The following PKIB variants were observed in gnomAD, a reference collection of about 807,000 sequenced individuals.
PKIB encodes the protein cAMP-dependent protein kinase inhibitor beta.
PKIB carries 2 observed loss-of-function variants against 4.5 expected under a neutral mutation model. That is an observed-to-expected ratio of 0.44 (90% CI 0.18 to 1.39). The LOEUF is 1.39. Ranked by LOEUF, PKIB falls within the 40% of genes most tolerant of loss-of-function variation. The pLI, the probability that PKIB is intolerant of heterozygous loss-of-function variation, is 0.27. For synonymous variants in PKIB, 38 were observed against 36.0 expected, an observed-to-expected ratio of 1.06 and a Z score of -0.20; for missense variants, 94 against 92.6, an observed-to-expected ratio of 1.02 and a Z score of -0.06.
chr6:122,562,631 C>T (rs1285419652), intron 2 of PKIB, among the ~76,000 whole-genome samples: 1 of 152,164 alleles, frequency 6.6e-6, no homozygotes, highest in African/African-American at 2.4e-5. Context: ...TCCCAGACTT[C>T]TTGGAGACTT....
chr6:122,508,471 G>A (rs1199457771), intron 2 of PKIB, among the ~76,000 whole-genome samples: 3 of 152,152 alleles, frequency 2.0e-5, no homozygotes, highest in African/African-American at 7.2e-5. Flanking sequence ...GTGTTAAGGT[G>A]TAAGGTGTGT....
chr6:122,598,604 G>A (rs892898140), intron 3 of PKIB, among the ~76,000 whole-genome samples: 4 of 152,150 alleles, frequency 2.6e-5, no homozygotes, highest in Admixed American at 1.3e-4. Context: ...GATTGGTGAA[G>A]GGTATATCTT....
At chr6:122,699,504 T>C (rs746968975) in intron 3 of PKIB, among the ~76,000 whole-genome samples, 2 of 152,124 alleles carry the variant, frequency 1.3e-5, no homozygotes, top group South Asian at 2.1e-4. Context: ...CAGTCTACTG[T>C]GCTGCACCAT....
At chr6:122,669,077 A>G (rs1466960812) in intron 2 of PKIB, among the ~76,000 whole-genome samples, 2 of 152,120 alleles carry the variant, frequency 1.3e-5, no homozygotes, top group Non-Finnish European at 2.9e-5. Context: ...AAACAAAAAC[A>G]ATCAGCCTCC....
intron 1 of PKIB, among the ~76,000 whole-genome samples, chr6:122,627,069 C>CCAA (rs1775476732): frequency 2.6e-5 from 1 of 37,888 alleles, no homozygotes; most frequent in African/African-American, 9.1e-5. Flanking sequence ...CCCGTCTCTA[C>CCAA]TAAAAAAAAA....
At chr6:122,523,471 T>C (rs940855139) in intron 2 of PKIB, among the ~76,000 whole-genome samples, 37 of 152,272 alleles carry the variant, frequency 2.4e-4, no homozygotes, top group African/African-American at 8.9e-4. Flanking sequence ...AGGTGGGATT[T>C]TTTTTGTGCT....
chr6:122,659,631 A>T (rs1776908320), intron 2 of PKIB, among the ~76,000 whole-genome samples: 1 of 152,188 alleles, frequency 6.6e-6, no homozygotes. Flanking sequence ...CTTCTTAACT[A>T]GTATTTATTT....
chr6:122,559,214 A>C (rs1772944676), intron 2 of PKIB, among the ~76,000 whole-genome samples: 1 of 152,028 alleles, frequency 6.6e-6, no homozygotes, highest in Non-Finnish European at 1.5e-5. Flanking sequence ...TAAGGACATG[A>C]ATAGACAATT....
chr6:122,589,649 A>C (rs1207557147), intron 3 of PKIB, among the ~76,000 whole-genome samples: 1 of 152,194 alleles, frequency 6.6e-6, no homozygotes, highest in Non-Finnish European at 1.5e-5. Flanking sequence ...ACATGATCTT[A>C]GACTAGGGGC....
At chr6:122,656,589 G>A (rs1315276049) in intron 2 of PKIB, among the ~76,000 whole-genome samples, 1 of 152,142 alleles carries the variant, frequency 6.6e-6, no homozygotes, top group African/African-American at 2.4e-5. Flanking sequence ...CCCACAGTGA[G>A]GCAGGGCCAT....
chr6:122,680,570 T>G (rs570314886), intron 3 of PKIB, among the ~76,000 whole-genome samples: 181 of 152,210 alleles, frequency 1.2e-3, no homozygotes, highest in African/African-American at 4.1e-3. Context: ...CGACCTGCCT[T>G]GGGGAAGAGG....
chr6:122,620,007 A>T lies in PKIB; in HGVS notation c.-161+9472A>T, dbSNP rs188400786. On this transcript the variant is annotated intron_variant, in intron 1 of 4. Coordinates refer to ENST00000368452, the MANE Select transcript of PKIB (RefSeq NM_181795.3). Reference sequence around the variant, plus strand: ...TCTCCTTAAGCCCTTCCTATTGGAGACTGTTTATTATTTTCAATTTTATAA... The same window carrying T: ...TCTCCTTAAGCCCTTCCTATTGGAGTCTGTTTATTATTTTCAATTTTATAA... Among the ~76,000 whole-genome samples, 117 of 151,932 alleles carry T rather than the reference A, an allele frequency of 7.7e-4. 1 individual carries two copies. The highest frequency in any genetic ancestry group is 3.4e-3 in the Middle Eastern group (1 of 294).
At chr6:122,518,884 C>T (rs958136650) in intron 2 of PKIB, among the ~76,000 whole-genome samples, 15 of 152,158 alleles carry the variant, frequency 9.9e-5, no homozygotes, top group African/African-American at 2.2e-4. Flanking sequence ...GTCATTCAGA[C>T]GCAGACTGAG....
chr6:122,536,929 C>G (rs1411708302), intron 2 of PKIB, among the ~76,000 whole-genome samples: 1 of 148,016 alleles, frequency 6.8e-6, no homozygotes, highest in African/African-American at 2.5e-5. Context: ...CAACGAACCT[C>G]AAATTTTGCT....
At chr6:122,544,544 T>G (rs1772423556) in intron 2 of PKIB, among the ~76,000 whole-genome samples, 2 of 151,816 alleles carry the variant, frequency 1.3e-5, no homozygotes, top group South Asian at 4.2e-4. Context: ...CCTGGAGGGG[T>G]GTTTTGAGAT....
rs534472757 is a variant in PKIB at position 122,628,202 on chromosome 6, T to A, written c.-160-5081T>A. On this transcript the variant is annotated intron_variant, in intron 1 of 4. Coordinates refer to ENST00000368452, the MANE Select transcript of PKIB (RefSeq NM_181795.3). ...ACAGGCATGCGCCACCAAGTCCGGC[T>A]AATTTTGTATTTTTAGTAGAGATGG... Among the ~76,000 whole-genome samples, 21 of 152,256 alleles carry A rather than the reference T, an allele frequency of 1.4e-4. No homozygotes were observed. The East Asian group carries it at 4.1e-3, about 29-fold the overall frequency.
chr6:122,638,898 A>G (rs1183330240), intron 2 of PKIB, among the ~76,000 whole-genome samples: 2 of 152,212 alleles, frequency 1.3e-5, no homozygotes, highest in South Asian at 2.1e-4. Context: ...CTGAAACTAA[A>G]AAAAGACTAC....
intron 4 of PKIB, among the ~76,000 whole-genome samples, chr6:122,724,815 C>T (rs1779891910): frequency 6.6e-6 from 1 of 152,146 alleles, no homozygotes; most frequent in South Asian, 2.1e-4. Context: ...TTGTGACTGT[C>T]ACTCACTAGT....
At chr6:122,539,616 C>T (rs1365787783) in intron 2 of PKIB, among the ~76,000 whole-genome samples, 1 of 152,050 alleles carries the variant, frequency 6.6e-6, no homozygotes, top group Non-Finnish European at 1.5e-5. Context: ...CATCAATGTT[C>T]ATCAAGGATA....
Sources: allele counts gnomAD v4.1 joint callset (sites outside exome capture counted in the v4.1 genomes callset), GRCh38; gene constraint gnomAD v4.1.1; transcripts MANE v1.5; gene names NCBI Gene and HGNC (gene_info 2026-07-23, HGNC 2026-07-21).